CACNA2D3: variants seen among roughly 807,000 people sequenced by gnomAD.
CACNA2D3 encodes the protein voltage-dependent calcium channel subunit alpha-2/delta-3.
CACNA2D3 carries 60 observed loss-of-function variants against 160.6 expected under a neutral mutation model. The observed-to-expected ratio is 0.37, with a 90% CI of 0.30 to 0.46. The LOEUF (loss-of-function observed/expected upper bound fraction) is 0.46, where lower values mean the gene tolerates loss of function less well. Among genes scored for constraint, CACNA2D3 ranks in the 20% least tolerant of loss-of-function variants. The pLI is 1.00. For missense variants in CACNA2D3, 1,205 were observed against 1,365.0 expected (o/e 0.88, Z 1.85); for synonymous variants, 558 against 492.9 (o/e 1.13, Z -1.75).
chr3:54,964,936 A>G (rs2107058261), intron 27 of CACNA2D3, among the ~76,000 whole-genome samples: 1 of 152,136 alleles, frequency 6.6e-6, no homozygotes, highest in African/African-American at 2.4e-5. Flanking sequence ...CCCATTTTAT[A>G]GGCCCTTTCC....
chr3:54,964,059 C>G (rs999061867), intron 27 of CACNA2D3, among the ~76,000 whole-genome samples: 4 of 152,032 alleles, frequency 2.6e-5, no homozygotes, highest in Admixed American at 2.0e-4. Flanking sequence ...ATTCTGGGCT[C>G]TTTGAGATGG....
chr3:54,434,203 G>A (rs1238301907), intron 4 of CACNA2D3, among the ~76,000 whole-genome samples: 2 of 152,196 alleles, frequency 1.3e-5, no homozygotes. Flanking sequence ...ACTGAACAAG[G>A]CAATGCAAGT....
At chr3:54,839,368 G>A (rs1698770828) in intron 16 of CACNA2D3, among the ~76,000 whole-genome samples, 2 of 152,200 alleles carry the variant, frequency 1.3e-5, no homozygotes, top group African/African-American at 4.8e-5. Context: ...GGAGGGGGAT[G>A]CCCTTGAGGC....
At chr3:54,349,667 A>C (rs545995314) in intron 3 of CACNA2D3, among the ~76,000 whole-genome samples, 1 of 152,316 alleles carries the variant, frequency 6.6e-6, no homozygotes, top group South Asian at 2.1e-4. Flanking sequence ...TTCATTGTAC[A>C]CAAAGCTTCC....
Position 54,410,442 on chromosome 3 carries a change from T to C in CACNA2D3, c.381+23668T>C, listed in dbSNP as rs531708586. ...GGCTGACTCTCTTATTAGGGGCTAA[T>C]GCAACTGGTGACCTTAAGTTGAAGC... On this transcript the variant is annotated intron_variant, in intron 4 of 37. Transcript: ENST00000474759. Among the ~76,000 whole-genome samples the C allele has an allele frequency of 1.7e-3, 266 of 152,260 alleles. 1 individual carries two copies. Among genetic ancestry groups the C allele is most frequent in the African/African-American group, 6.1e-3 (255 of 41,556 alleles).
intron 2 of CACNA2D3, among the ~76,000 whole-genome samples, chr3:54,234,700 C>T (rs1401216003): frequency 5.3e-5 from 8 of 152,112 alleles, no homozygotes; most frequent in Admixed American, 3.9e-4. Context: ...GAGATCATGT[C>T]CTTTGCAGGA....
intron 35 of CACNA2D3, among the ~76,000 whole-genome samples, chr3:55,042,620 T>G (rs1341391141): frequency 6.6e-6 from 1 of 152,230 alleles, no homozygotes; most frequent in African/African-American, 2.4e-5. Flanking sequence ...TTTACTGTAT[T>G]TTTATTTACA....
intron 27 of CACNA2D3, among the ~76,000 whole-genome samples, chr3:54,932,193 A>G (rs1428292326): frequency 2.6e-5 from 4 of 152,148 alleles, no homozygotes; most frequent in Non-Finnish European, 5.9e-5. Flanking sequence ...AATAATAATA[A>G]TAAATGAAAA....
chr3:54,458,454 T>G (rs1380948882), intron 4 of CACNA2D3, among the ~76,000 whole-genome samples: 1 of 138,396 alleles, frequency 7.2e-6, no homozygotes, highest in South Asian at 2.3e-4. Context: ...TTGCTGGCAG[T>G]TTTTTTTTTT....
intron 3 of CACNA2D3, among the ~76,000 whole-genome samples, chr3:54,333,839 A>G (rs914003981): frequency 6.6e-6 from 1 of 152,218 alleles, no homozygotes; most frequent in Non-Finnish European, 1.5e-5. Context: ...AGCCAGCCCA[A>G]AGGGGAACGT....
intron 9 of CACNA2D3, among the ~76,000 whole-genome samples, chr3:54,593,731 G>A (rs1188151001): frequency 6.6e-6 from 1 of 152,050 alleles, no homozygotes; most frequent in African/African-American, 2.4e-5. Context: ...GCTGATTTGT[G>A]CTTATCCCTT....
chr3:54,932,581 G>A lies in CACNA2D3; in HGVS notation c.2449+32713G>A, dbSNP rs541061980. 1.2e-3 allele frequency among the ~76,000 whole-genome samples: 189 copies of A among 152,352 alleles called. 1 individual carries two copies. Among genetic ancestry groups the A allele is most frequent in the Admixed American group, 2.4e-3 (37 of 15,304 alleles). On this transcript the variant is annotated intron_variant, in intron 27 of 37. Coordinates refer to ENST00000474759, the MANE Select transcript of CACNA2D3 (RefSeq NM_018398.3). Reference sequence around the variant, plus strand: ...CTTCTAGTGACTGGCTGAGTTATCTGTGTAAATATAGCATGCCTAGAGTTT... The same window carrying A: ...CTTCTAGTGACTGGCTGAGTTATCTATGTAAATATAGCATGCCTAGAGTTT...
At chr3:54,467,125 C>G (rs1486411201) in intron 4 of CACNA2D3, among the ~76,000 whole-genome samples, 1 of 150,488 alleles carries the variant, frequency 6.6e-6, no homozygotes, top group Non-Finnish European at 1.5e-5. Context: ...GGGGTCCTGG[C>G]TGGCAAAAGG....
At chr3:54,833,482 G>A (rs1036297023) in intron 14 of CACNA2D3, among the ~76,000 whole-genome samples, 1 of 152,064 alleles carries the variant, frequency 6.6e-6, no homozygotes, top group Non-Finnish European at 1.5e-5. Flanking sequence ...CTCAGTAGCA[G>A]CTACAGGTTG....
At chr3:54,987,656 C>A in intron 30 of CACNA2D3, 27 bp from the exon 31 acceptor site, 2 of 1,491,776 alleles carry the variant, frequency 1.3e-6, no homozygotes, top group East Asian at 2.3e-5. Flanking sequence ...TTTATCTACA[C>A]CTCCTCATAT....
chr3:55,050,068 C>G (rs546102648), intron 35 of CACNA2D3, among the ~76,000 whole-genome samples: 9 of 151,746 alleles, frequency 5.9e-5, no homozygotes, highest in Admixed American at 5.9e-4. Context: ...ATTTGCCAGT[C>G]TGTGTCTTTT....
chr3:54,703,590 A>C (rs1470702819), intron 11 of CACNA2D3, among the ~76,000 whole-genome samples: 2 of 152,178 alleles, frequency 1.3e-5, no homozygotes, highest in African/African-American at 4.8e-5. Context: ...TCCTCCTACC[A>C]GGTTTTGATT....
intron 17 of CACNA2D3, among the ~76,000 whole-genome samples, chr3:54,869,992 G>A (rs1270380496): frequency 6.6e-6 from 1 of 152,180 alleles, no homozygotes; most frequent in Non-Finnish European, 1.5e-5. Context: ...AGAGTAGTGG[G>A]GTGGGCTCAC....
At chr3:55,023,139 A>G (rs543602062) in intron 35 of CACNA2D3, among the ~76,000 whole-genome samples, 1 of 152,294 alleles carries the variant, frequency 6.6e-6, no homozygotes, top group Non-Finnish European at 1.5e-5. Context: ...TAACCTCAAA[A>G]TTAAAATATT....
Sources: gnomAD v4.1 joint callset for allele counts (sites outside exome capture counted in the v4.1 genomes callset) on GRCh38, gnomAD v4.1.1 for gene constraint, MANE v1.5 for transcripts, NCBI Gene and HGNC (gene_info 2026-07-23, HGNC 2026-07-21) for gene names.